IL4R: variants seen among roughly 807,000 people sequenced by gnomAD.
The protein encoded by IL4R is interleukin-4 receptor subunit alpha.
Under a neutral mutation model 41.5 loss-of-function variants are expected in IL4R, and 17 were observed. The ratio of observed to expected loss-of-function variants is 0.41; its 90% confidence interval spans 0.28 to 0.61. The LOEUF (loss-of-function observed/expected upper bound fraction) is 0.61. Among genes scored for constraint, IL4R ranks in the 20% least tolerant of loss-of-function variants. IL4R has a pLI of 0.31. For synonymous variants in IL4R, 402 were observed against 422.9 expected (o/e 0.95, Z 0.61); for missense variants, 974 against 1,043.1 (o/e 0.93, Z 0.91).
At chr16:27,314,254 C>A in intron 1 of IL4R, 1 of 396,864 alleles carries the variant, frequency 2.5e-6, no homozygotes, top group Non-Finnish European at 3.4e-6. Context: ...CCAGCGCTCC[C>A]CAAAGCCGGT....
chr16:27,333,146 G>A (rs1453356550), intron 2 of IL4R, among the ~76,000 whole-genome samples: 1 of 151,610 alleles, frequency 6.6e-6, no homozygotes, highest in African/African-American at 2.4e-5. Flanking sequence ...CTGCTGTTGT[G>A]AGATGTAACA....
chr16:27,348,382 G>A (rs1317330372), intron 6 of IL4R, among the ~76,000 whole-genome samples: 1 of 152,190 alleles, frequency 6.6e-6, no homozygotes, highest in Non-Finnish European at 1.5e-5. Flanking sequence ...GGGCTGGGGG[G>A]AAGAGAAAGG....
chr16:27,364,684 G>GT lies in IL4R; in HGVS notation c.*855dup, dbSNP rs1310573553. The GT allele has an allele frequency of 6.6e-6, 1 of 152,246 alleles. No individual in the cohort carries two copies. The highest frequency in any genetic ancestry group is 1.5e-5 in the Non-Finnish European group (1 of 68,054). The allele number at this position is 152,246 out of a possible 1,614,324, so 9.4% of individuals were successfully genotyped here. A position where few individuals can be genotyped will look rare whatever the true frequency, so the allele number is the denominator to read the frequency against. ...CTTGGGTTGAGTAATGCTCGTCTGTGTGTTTTAGTTTCATCACCTGTTATC... is the reference window on the plus strand; with the variant it reads ...CTTGGGTTGAGTAATGCTCGTCTGTGTTGTTTTAGTTTCATCACCTGTTATC... On this transcript the variant is annotated 3_prime_UTR_variant, in exon 11 of 11. Coordinates refer to ENST00000395762, the MANE Select transcript of IL4R (RefSeq NM_000418.4).
At chr16:27,330,231 A>AT (rs2141091259) in intron 2 of IL4R, 33 bp downstream of exon 2, 1 of 151,824 alleles carries the variant, frequency 6.6e-6, no homozygotes, top group African/African-American at 2.4e-5. Context: ...TCTACTAAAA[A>AT]TACAAAAATT....
intron 1 of IL4R, among the ~76,000 whole-genome samples, chr16:27,325,776 G>T (rs1247168235): frequency 1.3e-5 from 2 of 152,122 alleles, no homozygotes; most frequent in East Asian, 3.9e-4. Flanking sequence ...GAACTCTGGT[G>T]CATCCCCGAT....
intron 9 of IL4R, among the ~76,000 whole-genome samples, 158 bp downstream of exon 9, chr16:27,359,152 A>G (rs976084777): frequency 3.9e-5 from 6 of 152,240 alleles, no homozygotes; most frequent in African/African-American, 1.4e-4. Flanking sequence ...GAATGAGGTC[A>G]TTAGCAGACC....
chr16:27,347,213 CAG>C (rs1474042909), intron 6 of IL4R, among the ~76,000 whole-genome samples: 1 of 152,168 alleles, frequency 6.6e-6, no homozygotes, highest in Non-Finnish European at 1.5e-5. Flanking sequence ...TGTTTTGAGA[CAG>C]AGTCTCACTC....
intron 1 of IL4R, among the ~76,000 whole-genome samples, chr16:27,327,151 G>A (rs1224487428): frequency 2.6e-5 from 4 of 152,032 alleles, no homozygotes; most frequent in Admixed American, 1.3e-4. Context: ...GCCCCCACCC[G>A]AGGCCCCTGC....
intron 1 of IL4R, among the ~76,000 whole-genome samples, chr16:27,323,741 G>A (rs755984417): frequency 5.3e-5 from 8 of 151,762 alleles, no homozygotes; most frequent in Non-Finnish European, 7.4e-5. Flanking sequence ...CTGCAGCTGC[G>A]ACCTCGTGGG....
At position 27,323,313 on chromosome 16, in the gene IL4R, G is replaced by A. The variant is rs139806433; in HGVS notation, c.-151-6753G>A. 1.4e-4 allele frequency among the ~76,000 whole-genome samples: 21 copies of A among 152,340 alleles called. 1 individual carries two copies. The East Asian group carries it at 3.9e-3, about 28-fold the overall frequency. On this transcript the variant is annotated intron_variant, in intron 1 of 10. Coordinates refer to ENST00000395762, the MANE Select transcript of IL4R (RefSeq NM_000418.4). ...CTTCCTGCTCCGTCACCATCACCTC[G>A]GGCAAATTCTGAACCTCCCTCAGCC...
intron 4 of IL4R, 97 bp from the exon 5 acceptor site, chr16:27,344,772 A>C: frequency 3.0e-5 from 37 of 1,215,716 alleles, no homozygotes; most frequent in Non-Finnish European, 3.3e-5. Flanking sequence ...GGAAGCTGGA[A>C]GAGTCTGATG....
Position 27,363,312 on chromosome 16 carries a change from A to G in IL4R, c.1960A>G (p.Thr654Ala). 1 of 1,610,030 alleles carries G rather than the reference A, an allele frequency of 6.2e-7. No homozygotes were observed. Among genetic ancestry groups the G allele is most frequent in the Non-Finnish European group, 8.5e-7 (1 of 1,177,736 alleles). The change falls in exon 11 of 11, where the codon ACC (threonine) becomes GCC (alanine). Residue 654 changes from threonine (T) to alanine (A), a missense_variant. Transcript: ENST00000395762. ...TGCCCCAGTCCCTGTCCCCTTGTTC[A>G]CCTTTGGACTGGACAGGGAGCCACC... Reference protein sequence around the residue: ...DPAPVPVPLFTFGLDREPPRS... With the variant: ...DPAPVPVPLFAFGLDREPPRS...
intron 8 of IL4R, among the ~76,000 whole-genome samples, chr16:27,356,354 G>T (rs576406969): frequency 3.2e-4 from 48 of 152,104 alleles, no homozygotes; most frequent in Admixed American, 3.9e-4. Flanking sequence ...GCCTCCCAAA[G>T]TGCTGGGATT....
chr16:27,344,382 A>AG (rs959696131), intron 4 of IL4R, among the ~76,000 whole-genome samples: 6 of 141,638 alleles, frequency 4.2e-5, no homozygotes, highest in African/African-American at 1.6e-4. Context: ...AAAAAAAAAA[A>AG]GGAAATTGTG....
rs527640000 is a variant in IL4R at position 27,341,999 on chromosome 16, C to T, written c.71-122C>T. 1,025 of 1,048,590 alleles carry T rather than the reference C, an allele frequency of 9.8e-4. 1 individual carries two copies. The highest frequency in any genetic ancestry group is 1.3e-3 in the Non-Finnish European group (966 of 722,604). 65.0% of individuals were successfully genotyped at this position (1,048,590 alleles called of 1,614,324 possible). ...CTGGTCCTGGCCCCAGCTCTGTGGGCGCTGGCCCTCAACTTTGCCTGCACT... is the reference window on the plus strand; with the variant it reads ...CTGGTCCTGGCCCCAGCTCTGTGGGTGCTGGCCCTCAACTTTGCCTGCACT... On this transcript the variant is annotated intron_variant, in intron 3 of 10. Transcript: ENST00000395762.
chr16:27,328,955 G>T (rs1447745511), intron 1 of IL4R, among the ~76,000 whole-genome samples: 1 of 152,058 alleles, frequency 6.6e-6, no homozygotes, highest in Admixed American at 6.6e-5. Context: ...TCTTTTGCTT[G>T]CTGATATAGT....
At chr16:27,356,420 T>C (rs930793209) in intron 8 of IL4R, among the ~76,000 whole-genome samples, 9 of 152,082 alleles carry the variant, frequency 5.9e-5, no homozygotes, top group African/African-American at 1.9e-4. Context: ...ACCGGCATCC[T>C]ACTGGGGAGA....
At chr16:27,355,345 T>C (rs2086024004) in intron 7 of IL4R, 6 of 300,386 alleles carry the variant, frequency 2.0e-5, no homozygotes, top group South Asian at 1.7e-4. Flanking sequence ...CAGCTAATGA[T>C]GTGGACAGGC....
chr16:27,359,880 T>C, intron 9 of IL4R: 2 of 447,388 alleles, frequency 4.5e-6, no homozygotes, highest in South Asian at 1.6e-5. Context: ...ATTTAGCTTA[T>C]GCTTCTGCAG....
Sources: gnomAD v4.1 joint callset for allele counts (sites outside exome capture counted in the v4.1 genomes callset) on GRCh38, gnomAD v4.1.1 for gene constraint, MANE v1.5 for transcripts, NCBI Gene and HGNC (gene_info 2026-07-23, HGNC 2026-07-21) for gene names.